Variants in MICU2 observed in about 807,000 individuals in gnomAD.
MICU2 encodes the protein mitochondrial calcium uptake 2, also known as calcium uptake protein 2, mitochondrial.
MICU2 carries 64 observed loss-of-function variants against 60.4 expected under a neutral mutation model. The observed-to-expected ratio is 1.06, with a 90% CI of 0.87 to 1.31. The LOEUF (loss-of-function observed/expected upper bound fraction) is 1.31. MICU2 is among the 50% of genes most tolerant of loss of function. MICU2 has a pLI of 0.00. For missense variants in MICU2, 569 were observed against 531.0 expected, an observed-to-expected ratio of 1.07 and a Z score of -0.70; for synonymous variants, 201 against 175.0, an observed-to-expected ratio of 1.15 and a Z score of -1.17.
chr13:21,548,874 G>A (rs1011867242), intron 2 of MICU2, among the ~76,000 whole-genome samples: 1 of 148,326 alleles, frequency 6.7e-6, no homozygotes, highest in African/African-American at 2.5e-5. Flanking sequence ...CAGACCTTCT[G>A]AATAAAAACT....
intron 1 of MICU2, among the ~76,000 whole-genome samples, chr13:21,587,627 G>T (rs994033620): frequency 1.3e-5 from 2 of 152,194 alleles, no homozygotes; most frequent in African/African-American, 4.8e-5. Context: ...ATGGATTATA[G>T]ATCGGAGGAA....
intron 1 of MICU2, among the ~76,000 whole-genome samples, chr13:21,577,350 T>A (rs1888248281): frequency 6.6e-6 from 1 of 151,938 alleles, no homozygotes; most frequent in Admixed American, 6.5e-5. Flanking sequence ...TTTGGCTAAC[T>A]TACTTGTTAA....
intron 4 of MICU2, among the ~76,000 whole-genome samples, chr13:21,532,044 C>A (rs978061589): frequency 1.3e-5 from 2 of 152,074 alleles, no homozygotes; most frequent in Non-Finnish European, 2.9e-5. Flanking sequence ...GTATGAACAC[C>A]CCTCCCAAGT....
At chr13:21,562,771 C>T (rs1324866318) in intron 2 of MICU2, among the ~76,000 whole-genome samples, 1 of 152,140 alleles carries the variant, frequency 6.6e-6, no homozygotes, top group Non-Finnish European at 1.5e-5. Flanking sequence ...TTTGATTAAA[C>T]TGTTATCTGT....
Position 21,515,632 on chromosome 13 carries a change from T to C in MICU2, c.598-1214A>G, listed in dbSNP as rs980148172. The C allele has an allele frequency of 1.0e-5, 4 of 392,712 alleles. No individual in the cohort carries two copies. The Admixed American group carries it at 1.2e-4, about 12-fold the overall frequency. The allele number at this position is 392,712 out of a possible 1,614,324, so 24.3% of individuals were successfully genotyped here. A position where few individuals can be genotyped will look rare whatever the true frequency, so the allele number is the denominator to read the frequency against. ...CAGATGTAGACAAAATCCCAAACTA[T>C]GGATTCAAATCAATTAGGAGACAAA... On this transcript the variant is annotated intron_variant, in intron 6 of 11. Transcript: ENST00000382374.
intron 7 of MICU2, among the ~76,000 whole-genome samples, chr13:21,510,864 G>T (rs1401347962): frequency 5.7e-5 from 8 of 140,386 alleles, no homozygotes; most frequent in Admixed American, 5.4e-4. Flanking sequence ...TCCTTAGGAG[G>T]AATTCATTAA....
intron 9 of MICU2, among the ~76,000 whole-genome samples, chr13:21,497,159 G>A (rs923400754): frequency 9.2e-5 from 14 of 151,368 alleles, no homozygotes; most frequent in Admixed American, 3.3e-4. Context: ...GATCACCTGA[G>A]GTCAGCAGTT....
intron 8 of MICU2, among the ~76,000 whole-genome samples, chr13:21,504,909 T>C (rs1886258332): frequency 6.6e-6 from 1 of 152,190 alleles, no homozygotes; most frequent in South Asian, 2.1e-4. Flanking sequence ...TTGTTAAACA[T>C]ATTTACTAGC....
At chr13:21,539,225 C>A (rs755151882) in intron 4 of MICU2, 77 bp downstream of exon 4, 1 of 1,300,034 alleles carries the variant, frequency 7.7e-7, no homozygotes, top group Non-Finnish European at 1.1e-6. Context: ...TGGTACAAAT[C>A]TCATACCTTA....
intron 1 of MICU2, among the ~76,000 whole-genome samples, chr13:21,599,302 A>C (rs1888764268): frequency 1.3e-5 from 2 of 152,248 alleles, no homozygotes; most frequent in Non-Finnish European, 2.9e-5. Flanking sequence ...ATAACTTTTT[A>C]TAATTTCAAA....
chr13:21,574,823 T>G (rs1334572070), intron 1 of MICU2, among the ~76,000 whole-genome samples: 3 of 152,338 alleles, frequency 2.0e-5, no homozygotes, highest in Non-Finnish European at 2.9e-5. Context: ...CTTTCCTTCT[T>G]AAAGAAACCT....
intron 4 of MICU2, among the ~76,000 whole-genome samples, chr13:21,535,610 TCATTAAGAGG>T (rs1887111779): frequency 6.6e-6 from 1 of 152,116 alleles, no homozygotes; most frequent in Non-Finnish European, 1.5e-5. Context: ...ATTTACAAAC[TCATTAAGAGG>T]CTAAGGCTCA....
intron 1 of MICU2, among the ~76,000 whole-genome samples, chr13:21,592,051 C>CAA (rs35580121): frequency 5.6e-5 from 8 of 143,886 alleles, no homozygotes; most frequent in African/African-American, 1.9e-4. Flanking sequence ...GAAAATCCTC[C>CAA]AAAAAAAAAA....
Position 21,527,388 on chromosome 13 carries a change from C to T in MICU2, c.467-4738G>A, listed in dbSNP as rs934005544. Among the ~76,000 whole-genome samples the T allele has an allele frequency of 2.0e-5, 3 of 152,272 alleles. No homozygotes were observed. In the East Asian group the frequency reaches 5.8e-4, roughly 29 times the overall value. ...CTTTTCTTCTCTTTAGACACAGGTA[C>T]AGGTCCTTTATGCAAGCAGAACTTT... On this transcript the variant is annotated intron_variant, in intron 4 of 11. Transcript: ENST00000382374.
At chr13:21,559,174 T>A (rs1453172767) in intron 2 of MICU2, among the ~76,000 whole-genome samples, 1 of 152,200 alleles carries the variant, frequency 6.6e-6, no homozygotes, top group East Asian at 1.9e-4. Flanking sequence ...AAAATTTTTT[T>A]ACCAGTTTCA....
rs776240446 is a variant in MICU2 at position 21,601,829 on chromosome 13, G to A, written c.210+2110C>T. 1.2e-3 allele frequency among the ~76,000 whole-genome samples: 186 copies of A among 152,166 alleles called. 2 individuals are homozygous for A. The highest frequency in any genetic ancestry group is 4.3e-4 in the Non-Finnish European group (29 of 68,018). ...AGTTTTAAAATGTGCATTTTGGCCG[G>A]GCGCTGTGGCTCACGCCAGTAATCC... On this transcript the variant is annotated intron_variant, in intron 1 of 11. Coordinates refer to ENST00000382374, the MANE Select transcript of MICU2 (RefSeq NM_152726.3).
chr13:21,539,113 C>A (rs1887210502), intron 4 of MICU2, among the ~76,000 whole-genome samples, 189 bp downstream of exon 4: 1 of 152,092 alleles, frequency 6.6e-6, no homozygotes, highest in Admixed American at 6.5e-5. Flanking sequence ...ATACCCTCAT[C>A]CATTAAAACA....
chr13:21,571,525 G>A (rs1213921880), intron 1 of MICU2, among the ~76,000 whole-genome samples: 2 of 152,128 alleles, frequency 1.3e-5, no homozygotes, highest in Non-Finnish European at 2.9e-5. Context: ...GTGAAACCCC[G>A]TCTCTACAAA....
At position 21,567,496 on chromosome 13, in the gene MICU2, A is replaced by G. The variant is rs1197169761; in HGVS notation, c.211-552T>C. On this transcript the variant is annotated intron_variant, in intron 1 of 11. Coordinates refer to ENST00000382374, the MANE Select transcript of MICU2 (RefSeq NM_152726.3). ...AAGAGAGTCAGGAGGGCAACAGAAC[A>G]TGTGAAGTTGTGCTTTCATAAAGAT... 3.9e-5 allele frequency among the ~76,000 whole-genome samples: 6 copies of G among 152,354 alleles called. No homozygotes were observed. In the East Asian group the frequency reaches 1.2e-3, roughly 29 times the overall value.
Sources: allele counts gnomAD v4.1 joint callset (sites outside exome capture counted in the v4.1 genomes callset), GRCh38; gene constraint gnomAD v4.1.1; transcripts MANE v1.5; gene names NCBI Gene and HGNC (gene_info 2026-07-23, HGNC 2026-07-21).